The following HIVEP1 variants were observed in gnomAD, a reference collection of about 807,000 sequenced individuals.
HIVEP1 encodes zinc finger protein 40.
HIVEP1 carries 36 observed loss-of-function variants against 180.0 expected under a neutral mutation model. The ratio of observed to expected loss-of-function variants is 0.20; its 90% CI spans 0.15 to 0.26. The LOEUF is 0.26. Among genes scored for constraint, HIVEP1 ranks in the 10% least tolerant of loss-of-function variants. The pLI, the probability that HIVEP1 is intolerant of heterozygous loss-of-function variation, is 1.00. For missense variants in HIVEP1, 3,143 were observed against 3,268.7 expected (o/e 0.96, Z 0.94); for synonymous variants, 1,239 against 1,239.0 (o/e 1.00, Z 0.00).
chr6:12,182,317 AAAAT>A, the HIVEP1 span, among the ~76,000 whole-genome samples: 5 of 152,204 alleles, frequency 3.3e-5, no homozygotes, highest in African/African-American at 9.6e-5. Flanking sequence ...AGAAAAGAGA[AAAAT>A]AAGAGAAAAT....
intron 2 of HIVEP1, among the ~76,000 whole-genome samples, chr6:12,035,763 A>G (rs1769238967): frequency 6.6e-6 from 1 of 152,250 alleles, no homozygotes; most frequent in African/African-American, 2.4e-5. Context: ...GTAGATATGT[A>G]GAAAATCAAT....
At chr6:12,053,677 G>C (rs9942428) in intron 2 of HIVEP1, among the ~76,000 whole-genome samples, 1 of 151,840 alleles carries the variant, frequency 6.6e-6, no homozygotes, top group African/African-American at 2.4e-5. Context: ...CTCTGTTGGG[G>C]GCTGTGTACT....
At chr6:12,034,319 T>C (rs1769141417) in intron 2 of HIVEP1, among the ~76,000 whole-genome samples, 1 of 152,238 alleles carries the variant, frequency 6.6e-6, no homozygotes, top group African/African-American at 2.4e-5. Flanking sequence ...TTAAAAATCA[T>C]ATTTTTGGCA....
chr6:12,174,109 C>A, the HIVEP1 span, among the ~76,000 whole-genome samples: 2 of 152,272 alleles, frequency 1.3e-5, no homozygotes, highest in Admixed American at 1.3e-4. Flanking sequence ...CGACTTCATG[C>A]AGTCTACTTA....
intron 3 of HIVEP1, among the ~76,000 whole-genome samples, chr6:12,090,545 G>A (rs1773401036): frequency 6.6e-6 from 1 of 151,984 alleles, no homozygotes; most frequent in Admixed American, 6.6e-5. Context: ...TTCCATGGGA[G>A]CTCTGGAAGG....
At chr6:12,189,532 TCTAC>T in the HIVEP1 span, among the ~76,000 whole-genome samples, 1 of 152,140 alleles carries the variant, frequency 6.6e-6, no homozygotes, top group Non-Finnish European at 1.5e-5. Context: ...TGAAAAATGT[TCTAC>T]CTCATTCATA....
intron 7 of HIVEP1, among the ~76,000 whole-genome samples, chr6:12,148,382 G>A (rs1394626305): frequency 2.0e-5 from 3 of 152,226 alleles, no homozygotes; most frequent in African/African-American, 7.2e-5. Context: ...CTTTTGAGAA[G>A]TGAGCCACTA....
intron 7 of HIVEP1, among the ~76,000 whole-genome samples, chr6:12,155,625 T>A (rs1220653523): frequency 6.6e-6 from 1 of 152,248 alleles, no homozygotes; most frequent in Non-Finnish European, 1.5e-5. Context: ...TTCTATGGTG[T>A]ACATGCACCA....
intron 2 of HIVEP1, among the ~76,000 whole-genome samples, chr6:12,061,448 A>G (rs1180884288): frequency 1.3e-5 from 2 of 152,228 alleles, no homozygotes. Context: ...CTAACCTGGT[A>G]TCATTGTTAT....
intron 8 of HIVEP1, among the ~76,000 whole-genome samples, chr6:12,162,957 A>G (rs77319963): frequency 9.2e-4 from 140 of 152,350 alleles, no homozygotes; most frequent in Non-Finnish European, 1.0e-3. Context: ...ATAGCAGCTT[A>G]AGAATATAGC....
the HIVEP1 span, among the ~76,000 whole-genome samples, chr6:12,211,227 G>A: frequency 8.7e-6 from 1 of 114,552 alleles, no homozygotes; most frequent in African/African-American, 3.9e-5. Flanking sequence ...GTGAAACCCC[G>A]TCTCTACTAA....
At position 12,164,108 on chromosome 6, in the gene HIVEP1, GGGTTACCTACAGTCCAGC is replaced by G; in HGVS notation, c.7807_7824del (p.Leu2603_Arg2608del). On this transcript the variant is annotated inframe_deletion, in exon 9 of 9. Transcript: ENST00000379388. The stretch of plus-strand genomic sequence containing the variant: ...GGTCAGCAGGACCGAGTCTCCTCAG[GGGTTACCTACAGTCCAGC>G]GGGAAAATGCAAAAAAAGTTCTGAA... 1 of 1,614,138 alleles carries G rather than the reference GGGTTACCTACAGTCCAGC, an allele frequency of 6.2e-7. No homozygotes were observed. The highest frequency in any genetic ancestry group is 8.5e-7 in the Non-Finnish European group (1 of 1,180,020).
At chr6:12,184,408 C>A in the HIVEP1 span, among the ~76,000 whole-genome samples, 13 of 152,196 alleles carry the variant, frequency 8.5e-5, no homozygotes, top group Admixed American at 7.2e-4. Context: ...TATCATCACA[C>A]TAAACACAGA....
intron 3 of HIVEP1, among the ~76,000 whole-genome samples, chr6:12,100,779 T>C (rs1312578460): frequency 6.6e-6 from 1 of 152,160 alleles, no homozygotes; most frequent in Non-Finnish European, 1.5e-5. Context: ...TCTAAAGTGC[T>C]TCAAAATTGG....
intron 2 of HIVEP1, among the ~76,000 whole-genome samples, chr6:12,070,148 C>G (rs567435700): frequency 8.5e-5 from 13 of 152,234 alleles, no homozygotes; most frequent in Middle Eastern, 3.4e-3. Flanking sequence ...GGCTATTTTA[C>G]TATTAACTTT....
rs1561943534 is a variant in HIVEP1, at chr6:12,105,786, C to A, written c.95-14104C>A. Reference sequence around the variant, plus strand: ...TGCTTTTTTGCTTAGAAAGTGTAATCCCAGCCCAAGGTGAGCTAAATATTT... The same window carrying A: ...TGCTTTTTTGCTTAGAAAGTGTAATACCAGCCCAAGGTGAGCTAAATATTT... On this transcript the variant is annotated intron_variant, in intron 3 of 8. Coordinates refer to ENST00000379388, the MANE Select transcript of HIVEP1 (RefSeq NM_002114.4). Among the ~76,000 whole-genome samples, 3 of 152,098 alleles carry A rather than the reference C, an allele frequency of 2.0e-5. No homozygotes were observed. The East Asian group carries it at 5.8e-4, about 29-fold the overall frequency.
downstream of HIVEP1, among the ~76,000 whole-genome samples, chr6:12,168,068 T>TAC (rs1554161459): frequency 0.041 from 639 of 15,676 alleles, 206 homozygotes; most frequent in African/African-American, 0.23. Flanking sequence ...TATATACATA[T>TAC]ATATGTGTAT....
chr6:12,193,287 T>G, the HIVEP1 span, among the ~76,000 whole-genome samples: 1 of 152,216 alleles, frequency 6.6e-6, no homozygotes, highest in Non-Finnish European at 1.5e-5. Flanking sequence ...TTGTTTTCAC[T>G]TTTTGCTCTC....
rs1249829093 is a variant in HIVEP1 at position 12,125,518 on chromosome 6, A to G, written c.5723A>G (p.Asn1908Ser). Residue 1908 changes from asparagine to serine, a missense_variant, in exon 4 of 9, where the codon AAC becomes AGC. Coordinates refer to ENST00000379388, the MANE Select transcript of HIVEP1 (RefSeq NM_002114.4). The stretch of plus-strand genomic sequence containing the variant: ...GTTAAAAATCAAGGTGACAAAGTGA[A>G]CATCCAAGAGCAAAGTCAACAGCCA... ...PGVKNQGDKV[N>S]IQEQSQQPVT... The G allele has an allele frequency of 9.9e-6, 16 of 1,614,162 alleles. No homozygotes were observed. The highest frequency in any genetic ancestry group is 4.4e-5 in the South Asian group (4 of 91,084).
Sources: allele counts gnomAD v4.1 joint callset (sites outside exome capture counted in the v4.1 genomes callset), GRCh38; gene constraint gnomAD v4.1.1; transcripts MANE v1.5; gene names NCBI Gene and HGNC (gene_info 2026-07-23, HGNC 2026-07-21).